CNTNAP2: variants seen among roughly 807,000 people sequenced by gnomAD.
CNTNAP2 encodes contactin associated protein 2.
CNTNAP2 carries 98 observed loss-of-function variants against 155.2 expected under a neutral mutation model. The observed-to-expected ratio is 0.63, with a 90% CI of 0.54 to 0.75. The LOEUF (loss-of-function observed/expected upper bound fraction) is 0.75, where lower values mean the gene tolerates loss of function less well. Ranked by LOEUF, CNTNAP2 falls within the 30% of genes least tolerant of loss-of-function variation. The pLI, the probability that CNTNAP2 is intolerant of heterozygous loss-of-function variation, is 0.00. For synonymous variants in CNTNAP2, 651 were observed against 631.2 expected (o/e 1.03, Z -0.47); for missense variants, 1,727 against 1,688.1 (o/e 1.02, Z -0.40).
chr7:148,034,217 C>T (rs1341404656), intron 15 of CNTNAP2, among the ~76,000 whole-genome samples: 1 of 152,158 alleles, frequency 6.6e-6, no homozygotes, highest in Non-Finnish European at 1.5e-5. Flanking sequence ...GTGTGTAGCA[C>T]CCACATTAGA....
chr7:147,138,655 CG>C (rs1179333284), intron 8 of CNTNAP2, among the ~76,000 whole-genome samples: 2 of 151,750 alleles, frequency 1.3e-5, no homozygotes, highest in African/African-American at 2.4e-5. Context: ...AAAAAAGGAC[CG>C]GGGGAGAGTT....
At chr7:148,073,975 C>T (rs1471030974) in intron 15 of CNTNAP2, among the ~76,000 whole-genome samples, 1 of 152,064 alleles carries the variant, frequency 6.6e-6, no homozygotes, top group Non-Finnish European at 1.5e-5. Context: ...GTCCTGGAAC[C>T]AATCCCCCAT....
rs1245642000 is a variant in CNTNAP2, at chr7:148,419,214, A to AT, written c.*3604dup. 1 of 151,814 alleles carries AT rather than the reference A, an allele frequency of 6.6e-6. No individual in the cohort carries two copies. The highest frequency in any genetic ancestry group is 1.5e-5 in the Non-Finnish European group (1 of 67,978). 9.4% of individuals were successfully genotyped at this position (151,814 alleles called of 1,614,324 possible). ...AACAACACTGAATTTGAAACCCCCC[A>AT]TTTTTTCTTTTCACCACCCTGTTGA... On this transcript the variant is annotated 3_prime_UTR_variant, in exon 24 of 24. Transcript: ENST00000361727.
At chr7:148,006,394 A>G (rs1352667916) in intron 15 of CNTNAP2, among the ~76,000 whole-genome samples, 3 of 140,914 alleles carry the variant, frequency 2.1e-5, no homozygotes, top group Admixed American at 1.5e-4. Context: ...ATCTCTGCTC[A>G]CTGCAACCTC....
chr7:146,390,577 TAATAA>T (rs1454104097), intron 1 of CNTNAP2, among the ~76,000 whole-genome samples: 2 of 150,248 alleles, frequency 1.3e-5, no homozygotes, highest in African/African-American at 2.4e-5. Flanking sequence ...TTCTTTCATG[TAATAA>T]AATACATATA....
At chr7:147,640,863 C>G (rs1265290713) in intron 13 of CNTNAP2, among the ~76,000 whole-genome samples, 1 of 152,116 alleles carries the variant, frequency 6.6e-6, no homozygotes, top group Non-Finnish European at 1.5e-5. Context: ...GGAGGTGGTA[C>G]CTGACTTGCA....
At chr7:147,377,388 CTTT>C (rs1245013285) in intron 9 of CNTNAP2, among the ~76,000 whole-genome samples, 1 of 151,590 alleles carries the variant, frequency 6.6e-6, no homozygotes, top group Non-Finnish European at 1.5e-5. Flanking sequence ...TTTTAGTTCT[CTTT>C]TTTAACTTTA....
chr7:146,515,313 A>C (rs1181483082), intron 1 of CNTNAP2, among the ~76,000 whole-genome samples: 4 of 151,892 alleles, frequency 2.6e-5, no homozygotes, highest in African/African-American at 9.7e-5. Context: ...CTGGCTGCCT[A>C]CTCTGATCTC....
intron 1 of CNTNAP2, among the ~76,000 whole-genome samples, chr7:146,428,221 T>G (rs1473621524): frequency 2.6e-5 from 4 of 152,206 alleles, no homozygotes; most frequent in Non-Finnish European, 5.9e-5. Context: ...TGTATGTGTC[T>G]TTATAATAGA....
At chr7:146,947,545 G>A (rs1394831363) in intron 3 of CNTNAP2, among the ~76,000 whole-genome samples, 2 of 52,246 alleles carry the variant, frequency 3.8e-5, no homozygotes, top group Admixed American at 2.3e-4. Flanking sequence ...GTGTGTGTAT[G>A]TGTGTGTGTG....
intron 3 of CNTNAP2, among the ~76,000 whole-genome samples, chr7:146,966,383 G>T (rs1797657130): frequency 6.6e-6 from 1 of 152,078 alleles, no homozygotes; most frequent in African/African-American, 2.4e-5. Context: ...TGTATAAAAT[G>T]GAATTCTCCT....
chr7:148,151,601 A>G (rs118012682), intron 17 of CNTNAP2, among the ~76,000 whole-genome samples: 3,332 of 152,324 alleles, frequency 0.022, 48 homozygotes, highest in Middle Eastern at 0.044. Context: ...CAGCAGGTCC[A>G]TTCTCATTAA....
chr7:147,340,767 T>G (rs765167083), intron 9 of CNTNAP2, among the ~76,000 whole-genome samples: 13 of 152,128 alleles, frequency 8.5e-5, no homozygotes, highest in South Asian at 2.1e-4. Flanking sequence ...TTCACACTAT[T>G]TTTTCAACAC....
intron 13 of CNTNAP2, among the ~76,000 whole-genome samples, chr7:147,751,026 C>T (rs191170068): frequency 9.6e-4 from 146 of 151,428 alleles, no homozygotes; most frequent in African/African-American, 3.3e-3. Context: ...GGGGACACAG[C>T]GAGACTCCGT....
At chr7:146,649,936 A>G (rs1261149801) in intron 1 of CNTNAP2, among the ~76,000 whole-genome samples, 1 of 152,230 alleles carries the variant, frequency 6.6e-6, no homozygotes, top group Non-Finnish European at 1.5e-5. Context: ...TGGTCATTAG[A>G]GAAATGCAAA....
intron 8 of CNTNAP2, among the ~76,000 whole-genome samples, chr7:147,206,695 C>A (rs1803030019): frequency 6.6e-6 from 1 of 152,092 alleles, no homozygotes; most frequent in South Asian, 2.1e-4. Context: ...GCCTCTTTGG[C>A]AATATATATC....
intron 12 of CNTNAP2, among the ~76,000 whole-genome samples, chr7:147,603,917 G>A (rs1024452292): frequency 1.3e-4 from 19 of 151,726 alleles, no homozygotes; most frequent in Middle Eastern, 3.4e-3. Flanking sequence ...AAATAACGCC[G>A]CATATCTACA....
chr7:147,566,349 AGGAAGG>A (rs1472272445), intron 12 of CNTNAP2, among the ~76,000 whole-genome samples: 34 of 55,056 alleles, frequency 6.2e-4, no homozygotes, highest in Middle Eastern at 0.017. Flanking sequence ...GGGAGGGGAA[AGGAAGG>A]GGGAGGGGGA....
intron 8 of CNTNAP2, among the ~76,000 whole-genome samples, chr7:147,134,100 T>C (rs1483247923): frequency 6.6e-6 from 1 of 151,986 alleles, no homozygotes; most frequent in Non-Finnish European, 1.5e-5. Flanking sequence ...AAAATATTAG[T>C]ATGAAGGCCT....
Sources: gnomAD v4.1 joint callset for allele counts (sites outside exome capture counted in the v4.1 genomes callset) on GRCh38, gnomAD v4.1.1 for gene constraint, MANE v1.5 for transcripts, NCBI Gene and HGNC (gene_info 2026-07-23, HGNC 2026-07-21) for gene names.